The following PELI2 variants were observed in gnomAD, a reference collection of about 807,000 sequenced individuals.
PELI2 encodes E3 ubiquitin-protein ligase pellino homolog 2.
Under a neutral mutation model 42.3 loss-of-function variants are expected in PELI2, and 23 were observed. The observed-to-expected ratio is 0.54, with a 90% CI of 0.39 to 0.77. The LOEUF (loss-of-function observed/expected upper bound fraction) is 0.77, where lower values mean the gene tolerates loss of function less well. Ranked by LOEUF, PELI2 falls within the 30% of genes least tolerant of loss-of-function variation. The pLI, the probability that PELI2 is intolerant of heterozygous loss-of-function variation, is 0.00. For synonymous variants in PELI2, 245 were observed against 212.2 expected (o/e 1.15, Z -1.34); for missense variants, 463 against 553.2 (o/e 0.84, Z 1.64).
At position 56,118,743 on chromosome 14, in the gene PELI2, T is replaced by A; in HGVS notation, c.77+6T>A. ...GGGGAGCTGGTGGTGCTCGGGTGAGTCCTGGGGTCCCTGGTCCCGGGCAGC... is the reference window on the plus strand; with the variant it reads ...GGGGAGCTGGTGGTGCTCGGGTGAGACCTGGGGTCCCTGGTCCCGGGCAGC... On this transcript the variant is annotated splice_donor_region_variant and intron_variant, in intron 1 of 5. Coordinates refer to ENST00000267460, the MANE Select transcript of PELI2 (RefSeq NM_021255.3). 1 of 1,492,968 alleles carries A rather than the reference T, an allele frequency of 6.7e-7. No homozygotes were observed. Among genetic ancestry groups the A allele is most frequent in the Non-Finnish European group, 9.0e-7 (1 of 1,115,518 alleles). The allele number at this position is 1,492,968 out of a possible 1,614,324, so 92.5% of individuals were successfully genotyped here.
At chr14:56,159,628 A>G (rs889537019) in intron 1 of PELI2, among the ~76,000 whole-genome samples, 2 of 152,154 alleles carry the variant, frequency 1.3e-5, no homozygotes, top group African/African-American at 4.8e-5. Flanking sequence ...AAATTACTGC[A>G]GGGCAATACT....
intron 5 of PELI2, 81 bp downstream of exon 5, chr14:56,290,537 G>A: frequency 1.9e-6 from 2 of 1,079,810 alleles, no homozygotes; most frequent in South Asian, 1.8e-5. Context: ...CTCCCCTGAT[G>A]TTCAGAACCT....
At chr14:56,192,317 T>G (rs1885976905) in intron 2 of PELI2, among the ~76,000 whole-genome samples, 1 of 152,218 alleles carries the variant, frequency 6.6e-6, no homozygotes, top group African/African-American at 2.4e-5. Context: ...TCGAGTCGTG[T>G]TAAACTGGGT....
rs374219641 is a variant in PELI2 at position 56,219,764 on chromosome 14, C to T, written c.207+41300C>T. On this transcript the variant is annotated intron_variant, in intron 2 of 5. Coordinates refer to ENST00000267460, the MANE Select transcript of PELI2 (RefSeq NM_021255.3). The surrounding 1 kb of genome is among the most constrained non-coding windows in gnomAD (Gnocchi z 4.1). ...TAAACTGAAAAATGACACGACATGC[C>T]TTGACTCTATTCAGTTAGAGTCATT... Among the ~76,000 whole-genome samples the T allele has an allele frequency of 6.6e-6, 1 of 152,142 alleles. No individual in the cohort carries two copies. Among genetic ancestry groups the T allele is most frequent in the East Asian group, 1.9e-4 (1 of 5,192 alleles).
intron 2 of PELI2, among the ~76,000 whole-genome samples, chr14:56,258,984 A>G (rs1379007290): frequency 6.6e-6 from 1 of 152,144 alleles, no homozygotes; most frequent in Non-Finnish European, 1.5e-5. Flanking sequence ...ATATGCACAG[A>G]GAAACAAAAT....
At chr14:56,177,979 C>G (rs1359838364) in intron 1 of PELI2, among the ~76,000 whole-genome samples, 2 of 152,196 alleles carry the variant, frequency 1.3e-5, no homozygotes. Context: ...TCAAGTGTAT[C>G]TCTGGGGTCT....
chr14:56,260,032 T>A (rs547852244), intron 2 of PELI2, among the ~76,000 whole-genome samples: 4 of 152,288 alleles, frequency 2.6e-5, no homozygotes, highest in Non-Finnish European at 5.9e-5. Context: ...TCACTTGATA[T>A]TATTTAGATA....
chr14:56,157,121 C>G (rs963110814), intron 1 of PELI2, among the ~76,000 whole-genome samples: 5 of 152,166 alleles, frequency 3.3e-5, no homozygotes, highest in Admixed American at 3.3e-4. Context: ...CTCTTTGCAG[C>G]CAGTGGGTTA....
chr14:56,124,810 T>C (rs1031573807), intron 1 of PELI2, among the ~76,000 whole-genome samples: 1 of 152,184 alleles, frequency 6.6e-6, no homozygotes, highest in African/African-American at 2.4e-5. Context: ...GTTTGGAGTA[T>C]TCTGCAACCT....
intron 5 of PELI2, among the ~76,000 whole-genome samples, chr14:56,291,551 T>G (rs1889831994): frequency 6.6e-6 from 1 of 152,374 alleles, no homozygotes; most frequent in Middle Eastern, 3.4e-3. Context: ...TTTGTATGAA[T>G]GTTTTCAAGA....
At chr14:56,284,257 G>T (rs892622633) in intron 3 of PELI2, among the ~76,000 whole-genome samples, 1 of 152,040 alleles carries the variant, frequency 6.6e-6, no homozygotes, top group African/African-American at 2.4e-5. Context: ...GTAAGATCTT[G>T]GTCATTATTT....
intron 1 of PELI2, among the ~76,000 whole-genome samples, chr14:56,156,596 A>G (rs543189255): frequency 6.6e-6 from 1 of 152,340 alleles, no homozygotes; most frequent in African/African-American, 2.4e-5. Flanking sequence ...CTATACCAGC[A>G]CTGTCCAGTG....
chr14:56,230,614 A>C (rs1887524786), intron 2 of PELI2, among the ~76,000 whole-genome samples: 1 of 152,218 alleles, frequency 6.6e-6, no homozygotes, highest in Non-Finnish European at 1.5e-5. Context: ...TAAACATGGA[A>C]AGGAACAACT....
intron 2 of PELI2, among the ~76,000 whole-genome samples, chr14:56,186,218 G>C (rs1315486660): frequency 6.6e-6 from 1 of 152,192 alleles, no homozygotes; most frequent in Non-Finnish European, 1.5e-5. Flanking sequence ...AAGGAGTGCA[G>C]GTGGCTTCTA....
intron 1 of PELI2, among the ~76,000 whole-genome samples, chr14:56,168,289 C>T (rs1009369143): frequency 5.3e-5 from 8 of 152,150 alleles, no homozygotes; most frequent in African/African-American, 1.9e-4. Flanking sequence ...TGGGTGGGTC[C>T]AAAAGTGCTG....
At chr14:56,185,569 G>A (rs1749870612) in intron 2 of PELI2, among the ~76,000 whole-genome samples, 1 of 152,154 alleles carries the variant, frequency 6.6e-6, no homozygotes, top group African/African-American at 2.4e-5. Context: ...TTTAAAGTAG[G>A]TTTTAAGATA....
At chr14:56,223,790 G>A (rs986128188) in intron 2 of PELI2, among the ~76,000 whole-genome samples, 1 of 152,070 alleles carries the variant, frequency 6.6e-6, no homozygotes, top group African/African-American at 2.4e-5. Flanking sequence ...TAGGTTTTTC[G>A]TTCATTTTTC....
chr14:56,168,900 G>A (rs1020240707), intron 1 of PELI2, among the ~76,000 whole-genome samples: 1 of 151,794 alleles, frequency 6.6e-6, no homozygotes, highest in Admixed American at 6.6e-5. Flanking sequence ...GATGAATTCT[G>A]GCAGGACTGG....
In PELI2 at chr14:56,204,721, G is replaced by T. The variant is rs77395984; in HGVS notation, c.207+26257G>T. 2.3e-3 allele frequency among the ~76,000 whole-genome samples: 348 copies of T among 152,206 alleles called. 2 individuals are homozygous for T. The highest frequency in any genetic ancestry group is 8.2e-3 in the African/African-American group (342 of 41,512). ...GTTAAGAAGAGGGCCTGGAAAAGAG[G>T]TGGGAGTCTATGAGTTAGGGTCTGG... On this transcript the variant is annotated intron_variant, in intron 2 of 5. Transcript: ENST00000267460.
Sources: gnomAD v4.1 joint callset for allele counts (sites outside exome capture counted in the v4.1 genomes callset) on GRCh38, gnomAD v4.1.1 for gene constraint, Gnocchi (gnomAD v3.1) non-coding constraint, MANE v1.5 for transcripts, NCBI Gene and HGNC (gene_info 2026-07-23, HGNC 2026-07-21) for gene names.